The following ZNF501 variants were observed in gnomAD, a reference collection of about 807,000 sequenced individuals.
The protein encoded by ZNF501 is zinc finger protein 52.
In ZNF501, 7 loss-of-function variants were observed where a neutral mutation model predicts 5.7. The observed-to-expected ratio is 1.24, with a 90% CI of 0.70 to 2.32. ZNF501 has a LOEUF of 2.32. ZNF501 is among the 30% of genes most tolerant of loss of function. ZNF501 has a pLI of 0.00. For missense variants in ZNF501, 352 were observed against 321.1 expected, an observed-to-expected ratio of 1.10 and a Z score of -0.73; for synonymous variants, 107 against 101.9, an observed-to-expected ratio of 1.05 and a Z score of -0.30.
rs888535849 is a variant in ZNF501 at position 44,736,311 on chromosome 3, G to C, written c.*1074G>C. 1.2e-5 allele frequency: 2 copies of C among 167,072 alleles called. No homozygotes were observed. The highest frequency in any genetic ancestry group is 4.8e-5 in the African/African-American group (2 of 41,446). 10.3% of individuals were successfully genotyped at this position (167,072 alleles called of 1,614,324 possible). On this transcript the variant is annotated 3_prime_UTR_variant, in exon 3 of 3. Coordinates refer to ENST00000620116, the MANE Select transcript of ZNF501 (RefSeq NM_001258280.2). ...TTTAGGCTATGCTAAGCCTTTTAAT[G>C]TAAACAAGCACCTCTAACGCTAAAA...
rs554332475 is a variant in ZNF501, at chr3:44,735,547, G to A, written c.*310G>A. On this transcript the variant is annotated 3_prime_UTR_variant, in exon 3 of 3. Transcript: ENST00000620116. ...GTTAACTGCCATTAATTAATTAGCC[G>A]TTCTAAAAGTTTATTTACAATATCA... The A allele has an allele frequency of 1.4e-4, 32 of 223,334 alleles. No individual in the cohort carries two copies. In the East Asian group the frequency reaches 1.7e-3, roughly 12 times the overall value. The allele number at this position is 223,334 out of a possible 1,614,324, so 13.8% of individuals were successfully genotyped here. A position where few individuals can be genotyped will look rare whatever the true frequency, so the allele number is the denominator to read the frequency against.
Position 44,735,185 on chromosome 3 carries a change from T to C in ZNF501, c.764T>C (p.Phe255Ser). 1 of 1,608,130 alleles carries C rather than the reference T, an allele frequency of 6.2e-7. No individual in the cohort carries two copies. Among genetic ancestry groups the C allele is most frequent in the Non-Finnish European group, 8.5e-7 (1 of 1,176,398 alleles). Residue 255 changes from phenylalanine to serine, a missense_variant, in exon 3 of 3, where the codon TTT (phenylalanine) becomes TCT (serine). Coordinates refer to ENST00000620116, the MANE Select transcript of ZNF501 (RefSeq NM_001258280.2). ...GAGTGTGTTGGATGTGGGAAATCCT[T>C]TAGGCACAGTTCAGCACTTCTTCGA... is the stretch of plus-strand genomic sequence containing the variant. ...PYECVGCGKSFRHSSALLRHQ... is the reference protein window; with the variant it reads ...PYECVGCGKSSRHSSALLRHQ...
intron 1 of ZNF501, 56 bp downstream of exon 1, chr3:44,730,071 CA>C (rs1559505037): frequency 6.6e-6 from 1 of 152,120 alleles, no homozygotes; most frequent in Non-Finnish European, 1.5e-5. Flanking sequence ...TCTCTAACAA[CA>C]ACAAAATAGG....
chr3:44,735,052 A>T lies in ZNF501; in HGVS notation c.631A>T (p.Thr211Ser), dbSNP rs374876874. Reference sequence around the variant, plus strand: ...CTCTTCCCTTGTTGAACATGAAAGGACTCACACTGGAGAGAAACTTTATAA... The same window carrying T: ...CTCTTCCCTTGTTGAACATGAAAGGTCTCACACTGGAGAGAAACTTTATAA... Reference protein sequence around the residue: ...QNSSLVEHERTHTGEKLYKCS... With the variant: ...QNSSLVEHERSHTGEKLYKCS... Residue 211 changes from threonine to serine, a missense_variant, in exon 3 of 3, where the codon ACT (threonine) becomes TCT (serine). Coordinates refer to ENST00000620116, the MANE Select transcript of ZNF501 (RefSeq NM_001258280.2). The T allele has an allele frequency of 1.7e-5, 27 of 1,614,084 alleles. No individual in the cohort carries two copies. The African/African-American group carries it at 3.2e-4, about 19-fold the overall frequency.
At position 44,729,716 on chromosome 3, in the gene ZNF501, G is replaced by A. The variant is rs1450431516; in HGVS notation, c.-610G>A. 6 of 152,572 alleles carry A rather than the reference G, an allele frequency of 3.9e-5. No individual in the cohort carries two copies. The highest frequency in any genetic ancestry group is 1.4e-4 in the African/African-American group (6 of 41,472). 9.5% of individuals were successfully genotyped at this position (152,572 alleles called of 1,614,324 possible). On this transcript the variant is annotated 5_prime_UTR_variant, in exon 1 of 3. Transcript: ENST00000620116. Reference sequence around the variant, plus strand: ...AGCGCCGCGGGGAGCGCCGCGGGAAGCGCATGGTGAGCGGTTTCTGCTGTG... The same window carrying A: ...AGCGCCGCGGGGAGCGCCGCGGGAAACGCATGGTGAGCGGTTTCTGCTGTG...
chr3:44,731,369 T>C (rs1471407611), intron 1 of ZNF501, 107 bp from the exon 2 acceptor site: 1 of 152,244 alleles, frequency 6.6e-6, no homozygotes, highest in African/African-American at 2.4e-5. Context: ...TCATTTGAAC[T>C]TAAAATGGTC....
Position 44,735,775 on chromosome 3 carries a change from G to C in ZNF501, c.*538G>C, listed in dbSNP as rs1199519780. 1 of 166,246 alleles carries C rather than the reference G, an allele frequency of 6.0e-6. No homozygotes were observed. The highest frequency in any genetic ancestry group is 1.5e-5 in the Non-Finnish European group (1 of 68,152). 10.3% of individuals were successfully genotyped at this position (166,246 alleles called of 1,614,324 possible). A position where few individuals can be genotyped will look rare whatever the true frequency, so the allele number is the denominator to read the frequency against. Reference sequence around the variant, plus strand: ...TAATCAGAGAAAAATGTACTGATTGGGATTTGAGTGGACATTGTGGGGTGT... The same window carrying C: ...TAATCAGAGAAAAATGTACTGATTGCGATTTGAGTGGACATTGTGGGGTGT... On this transcript the variant is annotated 3_prime_UTR_variant, in exon 3 of 3. Transcript: ENST00000620116.
At position 44,734,745 on chromosome 3, in the gene ZNF501, CAATGAATGT is replaced by C; in HGVS notation, c.325_333del (p.Asn109_Cys111del). On this transcript the variant is annotated inframe_deletion, in exon 3 of 3. Coordinates refer to ENST00000620116, the MANE Select transcript of ZNF501 (RefSeq NM_001258280.2). ...ATACTGGAGAGAAACCCTATAAATGCAATGAATGTGGAAAAGCCTTTTGTCAGAGCCCAT... is the reference window on the plus strand; with the variant it reads ...ATACTGGAGAGAAACCCTATAAATGCGGAAAAGCCTTTTGTCAGAGCCCAT... 1 of 1,613,954 alleles carries C rather than the reference CAATGAATGT, an allele frequency of 6.2e-7. No individual in the cohort carries two copies. Among genetic ancestry groups the C allele is most frequent in the South Asian group, 1.1e-5 (1 of 91,074 alleles).
rs1426337793 is a variant in ZNF501, at chr3:44,729,690, G to GAGCGCCGCGGGGAGCGCCGCGGGA, written c.-630_-607dup. On this transcript the variant is annotated 5_prime_UTR_variant, in exon 1 of 3. Transcript: ENST00000620116. ...CTGAGTGTTGCAAGGTGCGAGAGGG[G>GAGCGCCGCGGGGAGCGCCGCGGGA]AGCGCCGCGGGGAGCGCCGCGGGAA... is the stretch of plus-strand genomic sequence containing the variant. 1.4e-5 allele frequency: 2 copies of GAGCGCCGCGGGGAGCGCCGCGGGA among 147,824 alleles called. No homozygotes were observed. The highest frequency in any genetic ancestry group is 6.7e-5 in the Admixed American group (1 of 14,942). The allele number at this position is 147,824 out of a possible 1,614,324, so 9.2% of individuals were successfully genotyped here.
chr3:44,735,103 C>T lies in ZNF501; in HGVS notation c.682C>T (p.Arg228Cys), dbSNP rs202220207. The T allele has an allele frequency of 5.0e-4, 801 of 1,614,082 alleles. No individual in the cohort carries two copies. Among genetic ancestry groups the T allele is most frequent in the South Asian group, 7.1e-4 (65 of 91,062 alleles). The change falls in exon 3 of 3, where the codon CGC becomes TGC. Residue 228 changes from arginine to cysteine, a missense_variant. Physicochemically the swap from Arg to Cys is radical, Grantham distance 180 (BLOSUM62 -3). Coordinates refer to ENST00000620116, the MANE Select transcript of ZNF501 (RefSeq NM_001258280.2). ...YKCSECEKTF[R>C]KQAHLSEHYR... The stretch of plus-strand genomic sequence containing the variant: ...GTGTAGTGAGTGTGAAAAAACTTTC[C>T]GCAAACAAGCACACCTTAGTGAGCA...
chr3:44,734,993 C>T lies in ZNF501; in HGVS notation c.572C>T (p.Thr191Ile). The T allele has an allele frequency of 6.2e-7, 1 of 1,614,184 alleles. No homozygotes were observed. The highest frequency in any genetic ancestry group is 1.1e-5 in the South Asian group (1 of 91,086). ...QRIHSGEKPY[T>I]CTECGKAFTQ... Reference sequence around the variant, plus strand: ...ATTCATTCAGGAGAGAAGCCCTACACATGCACTGAATGTGGTAAAGCCTTC... The same window carrying T: ...ATTCATTCAGGAGAGAAGCCCTACATATGCACTGAATGTGGTAAAGCCTTC... The change falls in exon 3 of 3, where the codon ACA (threonine) becomes ATA (isoleucine). Residue 191 changes from threonine (T) to isoleucine (I), a missense_variant. Thr to Ile is a moderately conservative substitution (Grantham distance 89, BLOSUM62 -1). Coordinates refer to ENST00000620116, the MANE Select transcript of ZNF501 (RefSeq NM_001258280.2).
At chr3:44,730,138 T>C (rs964197974) in intron 1 of ZNF501, 123 bp downstream of exon 1, 4 of 152,250 alleles carry the variant, frequency 2.6e-5, no homozygotes, top group African/African-American at 9.6e-5. Context: ...ATTTATTGAA[T>C]GCTTACCAGC....
rs1371933060 is a variant in ZNF501 at position 44,734,362 on chromosome 3, A to C, written c.-60A>C. On this transcript the variant is annotated 5_prime_UTR_variant, in exon 3 of 3. The change abolishes the stop of an existing upstream ORF in the 5' untranslated region. Coordinates refer to ENST00000620116, the MANE Select transcript of ZNF501 (RefSeq NM_001258280.2). Reference sequence around the variant, plus strand: ...TTTCCTAGGAGAACTGTATTACTCTAATGATAATCACCTTTGAGGAAAAAA... The same window carrying C: ...TTTCCTAGGAGAACTGTATTACTCTCATGATAATCACCTTTGAGGAAAAAA... The C allele has an allele frequency of 6.2e-6, 9 of 1,449,840 alleles. No individual in the cohort carries two copies. Among genetic ancestry groups the C allele is most frequent in the Non-Finnish European group, 7.6e-6 (8 of 1,052,782 alleles). 89.8% of individuals were successfully genotyped at this position (1,449,840 alleles called of 1,614,324 possible).
intron 2 of ZNF501, 171 bp downstream of exon 2, chr3:44,731,731 C>T (rs939939820): frequency 1.3e-5 from 2 of 152,184 alleles, no homozygotes; most frequent in African/African-American, 4.8e-5. Flanking sequence ...GTGAGGGTGG[C>T]CCACTGTGAA....
intron 2 of ZNF501, among the ~76,000 whole-genome samples, chr3:44,733,843 G>A (rs1174249418): frequency 6.6e-6 from 1 of 152,226 alleles, no homozygotes; most frequent in African/African-American, 2.4e-5. Flanking sequence ...AGAAGGATTG[G>A]TGAGATAGGC....
Position 44,734,573 on chromosome 3 carries a change from T to A in ZNF501, c.152T>A (p.Val51Glu), listed in dbSNP as rs751977860. 3 of 1,614,036 alleles carry A rather than the reference T, an allele frequency of 1.9e-6. No individual in the cohort carries two copies. The highest frequency in any genetic ancestry group is 2.7e-5 in the African/African-American group (2 of 75,000). Residue 51 changes from valine to glutamate, a missense_variant, in exon 3 of 3, where the codon GTG becomes GAG. Coordinates refer to ENST00000620116, the MANE Select transcript of ZNF501 (RefSeq NM_001258280.2). ...ATTCACAGAGGAGAGAAGCCCTATGTGTGCAGTGAATGTGGAAGTTGTTTC... is the reference window on the plus strand; with the variant it reads ...ATTCACAGAGGAGAGAAGCCCTATGAGTGCAGTGAATGTGGAAGTTGTTTC... Reference protein sequence around the residue: ...QRIHRGEKPYVCSECGSCFRK... With the variant: ...QRIHRGEKPYECSECGSCFRK...
chr3:44,731,001 T>C (rs945511439), intron 1 of ZNF501, among the ~76,000 whole-genome samples: 1 of 152,250 alleles, frequency 6.6e-6, no homozygotes, highest in Admixed American at 6.5e-5. Flanking sequence ...ATCTAGCTTT[T>C]CAATTTCATT....
intron 1 of ZNF501, among the ~76,000 whole-genome samples, chr3:44,731,168 A>G (rs899647130): frequency 6.6e-6 from 1 of 152,154 alleles, no homozygotes; most frequent in African/African-American, 2.4e-5. Flanking sequence ...TTTGAAATCA[A>G]TGGCTTTTCC....
rs1003619128 is a variant in ZNF501, at chr3:44,734,269, T to C, written c.-153T>C. On this transcript the variant is annotated 5_prime_UTR_variant, in exon 3 of 3. Transcript: ENST00000620116. ...GCTGAACAAGGAAGAGGAAGGGGAA[T>C]CCTGCAGGGATGAATGAGAGGACAG... The C allele has an allele frequency of 4.7e-5, 30 of 639,970 alleles. No homozygotes were observed. Among genetic ancestry groups the C allele is most frequent in the Non-Finnish European group, 7.0e-5 (26 of 374,032 alleles). The allele number at this position is 639,970 out of a possible 1,614,324, so 39.6% of individuals were successfully genotyped here. A position where few individuals can be genotyped will look rare whatever the true frequency, so the allele number is the denominator to read the frequency against.
Sources: allele counts gnomAD v4.1 joint callset (sites outside exome capture counted in the v4.1 genomes callset), GRCh38; gene constraint gnomAD v4.1.1; transcripts MANE v1.5; gene names NCBI Gene and HGNC (gene_info 2026-07-23, HGNC 2026-07-21).